Variants in FAM124A observed in about 807,000 individuals in gnomAD.
The protein encoded by FAM124A is family with sequence similarity 124 member A, also known as protein FAM124A.
Under a neutral mutation model 24.5 loss-of-function variants are expected in FAM124A, and 23 were observed. The observed-to-expected ratio is 0.94, with a 90% CI of 0.68 to 1.33. The LOEUF is 1.33. Among genes scored for constraint, FAM124A ranks in the 40% most tolerant of loss-of-function variants. FAM124A has a pLI of 0.00. For missense variants in FAM124A, 623 were observed against 722.8 expected (o/e 0.86, Z 1.58); for synonymous variants, 287 against 314.7 (o/e 0.91, Z 0.93).
chr13:51,270,070 A>G (rs1003139424), intron 3 of FAM124A, among the ~76,000 whole-genome samples: 4 of 152,112 alleles, frequency 2.6e-5, no homozygotes, highest in Non-Finnish European at 5.9e-5. Context: ...GTTCTTCCAG[A>G]TCCTGCGGAC....
intron 3 of FAM124A, among the ~76,000 whole-genome samples, chr13:51,264,566 G>A (rs945156711): frequency 6.6e-6 from 1 of 151,990 alleles, no homozygotes; most frequent in Non-Finnish European, 1.5e-5. Flanking sequence ...CCAGGCCGCA[G>A]TGCTCTATGA....
chr13:51,276,845 T>C (rs902365792), intron 3 of FAM124A, among the ~76,000 whole-genome samples: 1 of 152,178 alleles, frequency 6.6e-6, no homozygotes, highest in Admixed American at 6.5e-5. Flanking sequence ...ACTGCTCATG[T>C]TTCTGCCAAG....
chr13:51,260,083 G>A (rs981426229), intron 3 of FAM124A, among the ~76,000 whole-genome samples: 6 of 152,110 alleles, frequency 3.9e-5, no homozygotes, highest in Admixed American at 2.6e-4. Flanking sequence ...GGGCTCCTGG[G>A]GCCGTGGTGT....
At chr13:51,242,613 C>T (rs1954510229) in intron 2 of FAM124A, among the ~76,000 whole-genome samples, 1 of 152,122 alleles carries the variant, frequency 6.6e-6, no homozygotes, top group Non-Finnish European at 1.5e-5. Context: ...GGCTTTTGCT[C>T]CCCCTCCTTT....
At chr13:51,269,933 G>A (rs1419215548) in intron 3 of FAM124A, among the ~76,000 whole-genome samples, 1 of 152,170 alleles carries the variant, frequency 6.6e-6, no homozygotes, top group Non-Finnish European at 1.5e-5. Flanking sequence ...TCCCAGCCAG[G>A]ACGACTTTAC....
intron 3 of FAM124A, among the ~76,000 whole-genome samples, chr13:51,277,361 G>A (rs1954894745): frequency 6.6e-6 from 1 of 152,162 alleles, no homozygotes; most frequent in South Asian, 2.1e-4. Flanking sequence ...AGGGGTGAGG[G>A]CTGAAAATTA....
chr13:51,237,581 C>T (rs1954448040), intron 2 of FAM124A, among the ~76,000 whole-genome samples: 1 of 151,990 alleles, frequency 6.6e-6, no homozygotes, highest in Non-Finnish European at 1.5e-5. Context: ...GAGTGTTGGT[C>T]GATGGTGTCA....
At chr13:51,241,173 A>G (rs546178703) in intron 2 of FAM124A, among the ~76,000 whole-genome samples, 6 of 152,332 alleles carry the variant, frequency 3.9e-5, no homozygotes, top group Admixed American at 2.6e-4. Context: ...TTCAATTACT[A>G]AGTTTATCTG....
At chr13:51,232,732 T>C (rs1210731148) in intron 2 of FAM124A, among the ~76,000 whole-genome samples, 1 of 152,196 alleles carries the variant, frequency 6.6e-6, no homozygotes, top group Non-Finnish European at 1.5e-5. Context: ...ACTCTCTCTC[T>C]CTCTGTGCCA....
chr13:51,247,176 G>A (rs191793732), intron 2 of FAM124A, among the ~76,000 whole-genome samples: 10 of 152,244 alleles, frequency 6.6e-5, no homozygotes, highest in South Asian at 2.1e-4. Flanking sequence ...TGGGAGAGCC[G>A]TGCAGAGGGG....
chr13:51,239,487 C>T (rs902001767), intron 2 of FAM124A, among the ~76,000 whole-genome samples: 4 of 152,196 alleles, frequency 2.6e-5, no homozygotes, highest in Admixed American at 2.6e-4. Flanking sequence ...AAACTCATCT[C>T]TATAATAGTT....
chr13:51,257,670 A>G (rs1954689669), intron 3 of FAM124A, among the ~76,000 whole-genome samples: 2 of 151,718 alleles, frequency 1.3e-5, no homozygotes, highest in South Asian at 4.2e-4. Flanking sequence ...TCCTTCTCCT[A>G]CATTGGCCTG....
At chr13:51,244,988 G>T (rs1593593601) in intron 2 of FAM124A, among the ~76,000 whole-genome samples, 1 of 152,368 alleles carries the variant, frequency 6.6e-6, no homozygotes, top group South Asian at 2.1e-4. Flanking sequence ...AATACCCGAG[G>T]TTTGTTGTCT....
chr13:51,223,230 G>T (rs1954280186), intron 1 of FAM124A, among the ~76,000 whole-genome samples: 1 of 151,550 alleles, frequency 6.6e-6, no homozygotes, highest in South Asian at 2.1e-4. Context: ...CGCTTCAGCG[G>T]ACTCAAACAA....
At position 51,251,368 on chromosome 13, in the gene FAM124A, ACTTCT is replaced by A; in HGVS notation, c.101-95_101-91del. 1 of 1,360,490 alleles carries A rather than the reference ACTTCT, an allele frequency of 7.4e-7. No homozygotes were observed. Among genetic ancestry groups the A allele is most frequent in the Non-Finnish European group, 9.6e-7 (1 of 1,042,928 alleles). The allele number at this position is 1,360,490 out of a possible 1,614,324, so 84.3% of individuals were successfully genotyped here. ...ATGGAGTCAGTTCAGTTAGAATTTG[ACTTCT>A]CTTCCTGTCAAGCCTGTACACGTCA... On this transcript the variant is annotated intron_variant, in intron 2 of 3. Coordinates refer to ENST00000322475, the MANE Select transcript of FAM124A (RefSeq NM_001242312.2). This position sits in a 1 kb window ranked among gnomAD's most constrained non-coding sequence, Gnocchi z 5.3.
chr13:51,236,554 G>A (rs1954437066), intron 2 of FAM124A, among the ~76,000 whole-genome samples: 1 of 152,230 alleles, frequency 6.6e-6, no homozygotes, highest in Admixed American at 6.5e-5. Context: ...CAATGTAGGA[G>A]CTTTGAAAGC....
chr13:51,228,993 C>T (rs1466905592), intron 1 of FAM124A, among the ~76,000 whole-genome samples: 1 of 152,138 alleles, frequency 6.6e-6, no homozygotes, highest in African/African-American at 2.4e-5. Context: ...ATGATAATTA[C>T]AGGAAATGTG....
chr13:51,255,640 A>G (rs1318555660), intron 3 of FAM124A, among the ~76,000 whole-genome samples: 3 of 152,194 alleles, frequency 2.0e-5, no homozygotes, highest in Non-Finnish European at 4.4e-5. Flanking sequence ...AGCATCTCAC[A>G]TGCTCAGTGG....
chr13:51,271,709 A>G (rs1385295472), intron 3 of FAM124A, among the ~76,000 whole-genome samples: 1 of 152,146 alleles, frequency 6.6e-6, no homozygotes, highest in African/African-American at 2.4e-5. Context: ...TCCTCTTGGC[A>G]TGATTTCATG....
Sources: allele counts gnomAD v4.1 joint callset (sites outside exome capture counted in the v4.1 genomes callset), GRCh38; gene constraint gnomAD v4.1.1; non-coding constraint Gnocchi (gnomAD v3.1); transcripts MANE v1.5; gene names NCBI Gene and HGNC (gene_info 2026-07-23, HGNC 2026-07-21).